EPHA6: variants seen among roughly 807,000 people sequenced by gnomAD.
The protein encoded by EPHA6 is EPH receptor A6, also known as ephrin type-A receptor 6.
Under a neutral mutation model 112.0 loss-of-function variants are expected in EPHA6, and 50 were observed. That is an observed-to-expected ratio of 0.45 (90% CI 0.36 to 0.56). The LOEUF (loss-of-function observed/expected upper bound fraction) is 0.56. EPHA6 is among the 20% of genes least tolerant of loss of function. The probability of loss-of-function intolerance (pLI) is 0.00; values close to 1 mark genes in which losing one functional copy is unlikely to be tolerated. For missense variants in EPHA6, 1,280 were observed against 1,417.4 expected (o/e 0.90, Z 1.56); for synonymous variants, 529 against 490.7 (o/e 1.08, Z -1.03).
At chr3:97,244,439 C>G (rs867554910) in intron 5 of EPHA6, 152 bp downstream of exon 5, 1 of 637,024 alleles carries the variant, frequency 1.6e-6, no homozygotes, top group Middle Eastern at 3.6e-4. Context: ...TTGTTCTTTC[C>G]TAAAACTCAG....
chr3:97,059,061 A>G (rs913752495), intron 3 of EPHA6, among the ~76,000 whole-genome samples: 3 of 152,148 alleles, frequency 2.0e-5, no homozygotes, highest in African/African-American at 7.2e-5. Context: ...GGAGATGAGG[A>G]AAAAGACAAG....
chr3:97,751,947 G>C lies in EPHA6; in HGVS notation c.*3246G>C, dbSNP rs2035912443. Among the ~76,000 whole-genome samples, 1 of 151,886 alleles carries C rather than the reference G, an allele frequency of 6.6e-6. No individual in the cohort carries two copies. Among genetic ancestry groups the C allele is most frequent in the Non-Finnish European group, 1.5e-5 (1 of 67,912 alleles). ...TTATCTCATAGTAGAAGGCATATTTGGAAAAAATGTGAAAACAATGTACAA... is the reference window on the plus strand; with the variant it reads ...TTATCTCATAGTAGAAGGCATATTTCGAAAAAATGTGAAAACAATGTACAA... On this transcript the variant is annotated 3_prime_UTR_variant, in exon 18 of 18. Coordinates refer to ENST00000389672, the MANE Select transcript of EPHA6 (RefSeq NM_001080448.3).
chr3:97,579,684 G>A (rs2093419864), intron 11 of EPHA6, among the ~76,000 whole-genome samples: 1 of 152,150 alleles, frequency 6.6e-6, no homozygotes, highest in East Asian at 1.9e-4. Context: ...AGTATGTAAA[G>A]GGTAAACGAG....
intron 5 of EPHA6, among the ~76,000 whole-genome samples, chr3:97,378,627 T>C (rs1211474014): frequency 6.6e-6 from 1 of 152,140 alleles, no homozygotes; most frequent in East Asian, 1.9e-4. Flanking sequence ...CCCAAGACCA[T>C]GGGAACCCAC....
intron 5 of EPHA6, among the ~76,000 whole-genome samples, chr3:97,263,990 C>T (rs1395607600): frequency 3.3e-5 from 5 of 152,178 alleles, no homozygotes; most frequent in East Asian, 3.9e-4. Flanking sequence ...TCTCTTTATG[C>T]GTCCCCCTAG....
chr3:96,878,658 A>T (rs1286747940), intron 2 of EPHA6, among the ~76,000 whole-genome samples: 1 of 152,050 alleles, frequency 6.6e-6, no homozygotes, highest in Non-Finnish European at 1.5e-5. Context: ...ATATTATCAC[A>T]CAGCCCCCAG....
intron 14 of EPHA6, among the ~76,000 whole-genome samples, chr3:97,691,119 G>A (rs2032636622): frequency 6.6e-6 from 1 of 152,120 alleles, no homozygotes; most frequent in Non-Finnish European, 1.5e-5. Flanking sequence ...TCTTGCATAT[G>A]GTATAAGTTA....
At chr3:97,507,603 G>A (rs139893198) in intron 10 of EPHA6, among the ~76,000 whole-genome samples, 2,799 of 152,216 alleles carry the variant, frequency 0.018, 102 homozygotes, top group African/African-American at 0.064. Context: ...ATGTTCATCA[G>A]GGATATTGGT....
In EPHA6 at chr3:97,669,761, G is replaced by A. The variant is rs567840551; in HGVS notation, c.2784+31679G>A. Among the ~76,000 whole-genome samples the A allele has an allele frequency of 6.6e-4, 101 of 152,260 alleles. 1 individual carries two copies. Among genetic ancestry groups the A allele is most frequent in the South Asian group, 3.7e-3 (18 of 4,826 alleles). Reference sequence around the variant, plus strand: ...GTAAGAACCCTATTAAACATAAATTGTTCAGGTTAGTTGTATTTAGTATTT... The same window carrying A: ...GTAAGAACCCTATTAAACATAAATTATTCAGGTTAGTTGTATTTAGTATTT... On this transcript the variant is annotated intron_variant, in intron 14 of 17. Coordinates refer to ENST00000389672, the MANE Select transcript of EPHA6 (RefSeq NM_001080448.3).
intron 6 of EPHA6, among the ~76,000 whole-genome samples, chr3:97,441,963 A>C (rs2090153243): frequency 6.6e-6 from 1 of 152,144 alleles, no homozygotes; most frequent in Non-Finnish European, 1.5e-5. Context: ...AAGTTTTGTA[A>C]GATAATTAAG....
intron 2 of EPHA6, among the ~76,000 whole-genome samples, chr3:96,887,222 G>C (rs1353115239): frequency 6.6e-6 from 1 of 152,168 alleles, no homozygotes; most frequent in African/African-American, 2.4e-5. Context: ...GGTAGGCTCT[G>C]TCAGAGGGAG....
intron 6 of EPHA6, among the ~76,000 whole-genome samples, chr3:97,421,657 G>A (rs949072169): frequency 1.3e-5 from 2 of 152,066 alleles, no homozygotes; most frequent in Admixed American, 1.3e-4. Context: ...TGAAAAATAG[G>A]GGGCCATGAA....
chr3:97,118,421 G>T (rs1047226577), intron 3 of EPHA6, among the ~76,000 whole-genome samples: 5 of 151,840 alleles, frequency 3.3e-5, no homozygotes, highest in African/African-American at 2.4e-5. Context: ...AATGTGTACA[G>T]TATGTTTGAC....
At chr3:96,958,504 A>G (rs192259195) in intron 2 of EPHA6, among the ~76,000 whole-genome samples, 1 of 152,286 alleles carries the variant, frequency 6.6e-6, no homozygotes, top group African/African-American at 2.4e-5. Flanking sequence ...AATAAATACT[A>G]TTAATAATAT....
At chr3:97,513,736 A>G (rs994664601) in intron 10 of EPHA6, among the ~76,000 whole-genome samples, 2 of 152,142 alleles carry the variant, frequency 1.3e-5, no homozygotes, top group African/African-American at 4.8e-5. Flanking sequence ...ACAGTTACAC[A>G]GGAGGAATAA....
At chr3:96,977,277 A>G (rs1166752629) in intron 2 of EPHA6, among the ~76,000 whole-genome samples, 1 of 152,212 alleles carries the variant, frequency 6.6e-6, no homozygotes, top group Non-Finnish European at 1.5e-5. Flanking sequence ...AGAAAGACAA[A>G]TACTGCATGT....
intron 2 of EPHA6, among the ~76,000 whole-genome samples, chr3:96,964,789 A>G (rs1197871088): frequency 1.3e-5 from 2 of 152,168 alleles, no homozygotes; most frequent in African/African-American, 4.8e-5. Context: ...GCATGTGCAC[A>G]TTGTAGAGTA....
intron 2 of EPHA6, among the ~76,000 whole-genome samples, chr3:96,974,089 TA>T (rs1056327408): frequency 1.4e-5 from 2 of 146,330 alleles, no homozygotes; most frequent in African/African-American, 4.9e-5. Context: ...TTAATAATTA[TA>T]AATAATATAA....
chr3:97,043,408 A>G (rs1489132435), intron 3 of EPHA6, among the ~76,000 whole-genome samples: 1 of 152,210 alleles, frequency 6.6e-6, no homozygotes, highest in Non-Finnish European at 1.5e-5. Flanking sequence ...CAGGAATATA[A>G]TGGACACTTG....
Sources: allele counts gnomAD v4.1 joint callset (sites outside exome capture counted in the v4.1 genomes callset), GRCh38; gene constraint gnomAD v4.1.1; transcripts MANE v1.5; gene names NCBI Gene and HGNC (gene_info 2026-07-23, HGNC 2026-07-21).